MAP4: variants seen among roughly 807,000 people sequenced by gnomAD.
MAP4 encodes microtubule associated protein 4, also known as microtubule-associated protein 4.
Under a neutral mutation model 170.2 loss-of-function variants are expected in MAP4, and 76 were observed. The observed-to-expected ratio is 0.45, with a 90% CI of 0.37 to 0.54. The LOEUF (loss-of-function observed/expected upper bound fraction) is 0.54, where lower values mean the gene tolerates loss of function less well. MAP4 is among the 20% of genes least tolerant of loss of function. MAP4 has a pLI of 0.00. For synonymous variants in MAP4, 909 were observed against 994.5 expected, an observed-to-expected ratio of 0.91 and a Z score of 1.62; for missense variants, 2,506 against 2,748.0, an observed-to-expected ratio of 0.91 and a Z score of 1.97.
intron 2 of MAP4, among the ~76,000 whole-genome samples, chr3:47,982,958 C>A (rs534104462): frequency 1.3e-5 from 2 of 152,154 alleles, no homozygotes; most frequent in African/African-American, 4.8e-5. Flanking sequence ...AGTGCAGTGG[C>A]GCAATCTTGG....
rs530108218 is a variant in MAP4, at chr3:48,059,777, G to A, written c.-20+28996C>T. Among the ~76,000 whole-genome samples, 17 of 151,980 alleles carry A rather than the reference G, an allele frequency of 1.1e-4. No individual in the cohort carries two copies. The South Asian group carries it at 3.5e-3, about 32-fold the overall frequency. On this transcript the variant is annotated intron_variant, in intron 1 of 18. Coordinates refer to the MAP4 transcript ENST00000360240. ...GCGGATTGCCTGAGCTCGGGAGTTCGAGACCACCCTGGGGGCAACATGGTG... is the reference window on the plus strand; with the variant it reads ...GCGGATTGCCTGAGCTCGGGAGTTCAAGACCACCCTGGGGGCAACATGGTG...
intron 5 of MAP4, 140 bp downstream of exon 5, chr3:47,921,625 T>C (rs574338952): frequency 3.2e-5 from 19 of 602,570 alleles, no homozygotes; most frequent in South Asian, 1.5e-4. Flanking sequence ...CTCATGTACA[T>C]ATTAAATTCA....
At chr3:47,990,042 T>A (rs1344499084) in intron 2 of MAP4, among the ~76,000 whole-genome samples, 1 of 152,184 alleles carries the variant, frequency 6.6e-6, no homozygotes, top group Non-Finnish European at 1.5e-5. Context: ...AGCAAGAACC[T>A]GAGAAGGCAT....
At chr3:47,886,923 G>A (rs953893457) in intron 10 of MAP4, among the ~76,000 whole-genome samples, 2 of 152,220 alleles carry the variant, frequency 1.3e-5, no homozygotes, top group African/African-American at 2.4e-5. Context: ...TTGTCTTCCA[G>A]TTCATCACAC....
At chr3:47,962,056 C>T (rs1386346294) in intron 3 of MAP4, among the ~76,000 whole-genome samples, 1 of 152,176 alleles carries the variant, frequency 6.6e-6, no homozygotes, top group African/African-American at 2.4e-5. Flanking sequence ...TTACAAATGC[C>T]ATGGCAACAG....
At chr3:47,988,488 T>A (rs530814778) in intron 2 of MAP4, among the ~76,000 whole-genome samples, 1 of 152,140 alleles carries the variant, frequency 6.6e-6, no homozygotes, top group Non-Finnish European at 1.5e-5. Context: ...TCTGTTCTGA[T>A]TAAGCCAATT....
At chr3:48,077,240 C>T (rs900410805) in intron 1 of MAP4, among the ~76,000 whole-genome samples, 1 of 151,936 alleles carries the variant, frequency 6.6e-6, no homozygotes, top group Non-Finnish European at 1.5e-5. Context: ...GTTGGGAGTT[C>T]GAGCCCAGCC....
intron 1 of MAP4, among the ~76,000 whole-genome samples, chr3:48,079,241 G>C (rs1480306990): frequency 6.6e-6 from 1 of 152,026 alleles, no homozygotes; most frequent in East Asian, 1.9e-4. Context: ...ATGCTCACTA[G>C]AGAGCATTTT....
At chr3:47,983,549 G>A (rs1164174653) in intron 2 of MAP4, among the ~76,000 whole-genome samples, 1 of 151,960 alleles carries the variant, frequency 6.6e-6, no homozygotes, top group Non-Finnish European at 1.5e-5. Context: ...ACCATGCCCG[G>A]CTAATTTTTT....
intron 1 of MAP4, among the ~76,000 whole-genome samples, chr3:48,021,579 C>T (rs1356676215): frequency 6.6e-6 from 1 of 152,174 alleles, no homozygotes; most frequent in Admixed American, 6.5e-5. Context: ...AACTCCTGAC[C>T]TTGTGATCCA....
intron 2 of MAP4, among the ~76,000 whole-genome samples, chr3:47,980,381 G>A (rs1269415549): frequency 6.6e-6 from 1 of 152,088 alleles, no homozygotes; most frequent in East Asian, 1.9e-4. Flanking sequence ...TTATTCCTAA[G>A]ACAATAAGTG....
In MAP4 at chr3:47,909,779, C is replaced by T; in HGVS notation, c.4642G>A (p.Val1548Met). Residue 1548 changes from valine to methionine, a missense_variant, in exon 9 of 21, where the codon GTG becomes ATG. Physicochemically the swap from Val to Met is conservative, Grantham distance 21. This residue lies in a region of MAP4 where 2,008 missense variants were observed against 2,206.0 expected (regional missense o/e 0.91). Transcript: ENST00000683076. ...TGCACTGACTCAGATTCTCCTATCA[C>T]ATGCCCTTCATCGATCCCTGCTTCA... ...KNEAGIDEGH[V>M]IGESESVHSG... 6.2e-7 allele frequency: 1 copy of T among 1,614,036 alleles called. No individual in the cohort carries two copies. The highest frequency in any genetic ancestry group is 8.5e-7 in the Non-Finnish European group (1 of 1,179,886).
chr3:47,948,065 T>C (rs2100061285), intron 3 of MAP4, among the ~76,000 whole-genome samples: 1 of 150,030 alleles, frequency 6.7e-6, no homozygotes, highest in Non-Finnish European at 1.5e-5. Context: ...TGGCACAATC[T>C]TGGCTCACTG....
Position 47,958,187 on chromosome 3 carries a change from G to A in MAP4, c.292+19678C>T, listed in dbSNP as rs560289337. 9.9e-5 allele frequency among the ~76,000 whole-genome samples: 15 copies of A among 152,072 alleles called. No homozygotes were observed. The South Asian group carries it at 3.1e-3, about 32-fold the overall frequency. ...AGGAGGACTATGTCTGAAACCCAAG[G>A]GATTATCTAAGGCACCTCTTAATAC... On this transcript the variant is annotated intron_variant, in intron 3 of 20. Coordinates refer to ENST00000683076, the MANE Select transcript of MAP4 (RefSeq NM_001385682.1).
Position 47,969,392 on chromosome 3 carries a change from G to C in MAP4, c.292+8473C>G, listed in dbSNP as rs1009404183. On this transcript the variant is annotated intron_variant, in intron 3 of 20. Transcript: ENST00000683076. ...TTGCACTCCAGCCTGGGCAATAAGA[G>C]CAAAACTCTGTCTCGCGGGGCGCGG... Among the ~76,000 whole-genome samples, 7 of 146,148 alleles carry C rather than the reference G, an allele frequency of 4.8e-5. No homozygotes were observed. The East Asian group carries it at 1.4e-3, about 30-fold the overall frequency.
At chr3:47,959,351 G>A (rs2100069958) in intron 3 of MAP4, among the ~76,000 whole-genome samples, 2 of 151,996 alleles carry the variant, frequency 1.3e-5, no homozygotes. Flanking sequence ...CCAGCTACTT[G>A]GGAGGCTGAG....
At chr3:47,887,803 G>A (rs1191618667) in intron 10 of MAP4, among the ~76,000 whole-genome samples, 1 of 152,096 alleles carries the variant, frequency 6.6e-6, no homozygotes, top group Non-Finnish European at 1.5e-5. Flanking sequence ...GCTCTGGTGG[G>A]GCCTTGGAAA....
upstream of MAP4, among the ~76,000 whole-genome samples, chr3:48,017,460 T>G (rs967297368): frequency 1.3e-5 from 2 of 151,232 alleles, no homozygotes; most frequent in Admixed American, 1.3e-4. Context: ...GGGACCCCAA[T>G]GCCTAGATGT....
intron 2 of MAP4, among the ~76,000 whole-genome samples, chr3:47,992,417 T>C (rs2100092869): frequency 1.3e-5 from 2 of 152,152 alleles, no homozygotes; most frequent in African/African-American, 2.4e-5. Flanking sequence ...ATCATAATTA[T>C]AAACTTTATT....
Sources: gnomAD v4.1 joint callset for allele counts (sites outside exome capture counted in the v4.1 genomes callset) on GRCh38, gnomAD v4.1.1 for gene constraint, gnomAD v4.1.1 regional missense constraint, MANE v1.5 for transcripts, NCBI Gene and HGNC (gene_info 2026-07-23, HGNC 2026-07-21) for gene names.